The following CAMTA1 variants were observed in gnomAD, a reference collection of about 807,000 sequenced individuals.
CAMTA1 encodes calmodulin-binding transcription activator 1.
In CAMTA1, 27 loss-of-function variants were observed where a neutral mutation model predicts 170.9. The ratio of observed to expected loss-of-function variants is 0.16; its 90% CI spans 0.12 to 0.22. The LOEUF (loss-of-function observed/expected upper bound fraction) is 0.22, where lower values mean the gene tolerates loss of function less well. CAMTA1 is among the 10% of genes least tolerant of loss of function. The probability of loss-of-function intolerance (pLI) is 1.00; values close to 1 mark genes in which losing one functional copy is unlikely to be tolerated. For missense variants in CAMTA1, 1,619 were observed against 2,217.2 expected (o/e 0.73, Z 5.42); for synonymous variants, 833 against 891.5 (o/e 0.93, Z 1.17).
Position 7,649,021 on chromosome 1 carries a change from C to T in CAMTA1, c.664+8468C>T, listed in dbSNP as rs4428910. 5.1e-3 allele frequency among the ~76,000 whole-genome samples: 771 copies of T among 152,376 alleles called. 7 individuals are homozygous for T. Among genetic ancestry groups the T allele is most frequent in the African/African-American group, 0.017 (715 of 41,582 alleles). On this transcript the variant is annotated intron_variant, in intron 7 of 22. Transcript: ENST00000303635. ...GAGGCCACACGGAGCTTAGTGTAGC[C>T]ACACTCCCAGAGGAAGCCAGTCCCC...
intron 3 of CAMTA1, among the ~76,000 whole-genome samples, chr1:7,077,372 G>A (rs568073124): frequency 2.0e-5 from 3 of 152,016 alleles, no homozygotes; most frequent in East Asian, 1.9e-4. Flanking sequence ...TTTGTAACTC[G>A]TGGAAAGTGC....
intron 5 of CAMTA1, among the ~76,000 whole-genome samples, chr1:7,306,104 A>G (rs971607776): frequency 2.0e-5 from 3 of 152,092 alleles, no homozygotes; most frequent in Non-Finnish European, 4.4e-5. Context: ...GTCTCCTAGA[A>G]GAAAAGTTTT....
At chr1:7,091,264 A>T in intron 3 of CAMTA1, 40 bp from the exon 4 acceptor site, 2 of 1,440,678 alleles carry the variant, frequency 1.4e-6, no homozygotes, top group South Asian at 2.3e-5. Context: ...ATCCAATGTG[A>T]GCTAATTGTT....
In CAMTA1 at chr1:7,680,658, G is replaced by A. The variant is rs2096184352; in HGVS notation, c.2914+2925G>A. On this transcript the variant is annotated intron_variant, in intron 11 of 22. Transcript: ENST00000303635. This position sits in a 1 kb window ranked among gnomAD's most constrained non-coding sequence, Gnocchi z 4.4. ...ACCACAGGCCTTCGGTGGGCGGCGA[G>A]CCCTGGCTCCCTCGTTCGGTGGCCT... is the stretch of plus-strand genomic sequence containing the variant. Among the ~76,000 whole-genome samples the A allele has an allele frequency of 6.6e-6, 1 of 152,036 alleles. No homozygotes were observed. The highest frequency in any genetic ancestry group is 6.5e-5 in the Admixed American group (1 of 15,272).
intron 5 of CAMTA1, among the ~76,000 whole-genome samples, chr1:7,324,342 AT>A (rs1678944528): frequency 6.6e-6 from 1 of 151,526 alleles, no homozygotes; most frequent in Admixed American, 6.6e-5. Context: ...TAAACATTTC[AT>A]TTCCTTGTGT....
At chr1:7,478,200 G>A (rs1049111962) in intron 6 of CAMTA1, among the ~76,000 whole-genome samples, 5 of 152,132 alleles carry the variant, frequency 3.3e-5, no homozygotes, top group African/African-American at 7.2e-5. Context: ...AGCAGTGGTC[G>A]GGGAAGGGGG....
At position 7,340,343 on chromosome 1, in the gene CAMTA1, C is replaced by T. The variant is rs147122485; in HGVS notation, c.438+90717C>T. Among the ~76,000 whole-genome samples the T allele has an allele frequency of 3.3e-3, 509 of 152,120 alleles. 2 individuals carry two copies. The highest frequency in any genetic ancestry group is 5.6e-3 in the Non-Finnish European group (384 of 67,982). On this transcript the variant is annotated intron_variant, in intron 5 of 22. Coordinates refer to ENST00000303635, the MANE Select transcript of CAMTA1 (RefSeq NM_015215.4). Reference sequence around the variant, plus strand: ...ATTCTTCCTGCCCCCACTAGCCTACCCCCGACTTATGCTTGTGTCCAGGAA... The same window carrying T: ...ATTCTTCCTGCCCCCACTAGCCTACTCCCGACTTATGCTTGTGTCCAGGAA...
chr1:7,068,102 T>C (rs1709192499), intron 3 of CAMTA1, among the ~76,000 whole-genome samples: 1 of 152,172 alleles, frequency 6.6e-6, no homozygotes, highest in Admixed American at 6.5e-5. Context: ...AGATGGTACA[T>C]TTTCCTTCTT....
rs923503377 is a variant in CAMTA1 at position 7,609,846 on chromosome 1, G to A, written c.511-30554G>A. ...CCAGGAACTGAGGTTCCTGGCATCC[G>A]GGTAGAGTCCAAACATGGAAGCTCG... On this transcript the variant is annotated intron_variant, in intron 6 of 22. Coordinates refer to ENST00000303635, the MANE Select transcript of CAMTA1 (RefSeq NM_015215.4). The surrounding 1 kb of genome is among the most constrained non-coding windows in gnomAD (Gnocchi z 4.4). 6.6e-6 allele frequency among the ~76,000 whole-genome samples: 1 copy of A among 152,178 alleles called. No homozygotes were observed. The highest frequency in any genetic ancestry group is 1.9e-4 in the East Asian group (1 of 5,180).
At chr1:7,079,765 G>A (rs1268131642) in intron 3 of CAMTA1, among the ~76,000 whole-genome samples, 1 of 152,006 alleles carries the variant, frequency 6.6e-6, no homozygotes, top group Non-Finnish European at 1.5e-5. Context: ...GAGCCACAGT[G>A]CCCAGCAAGA....
rs146130408 is a variant in CAMTA1, at chr1:7,399,603, A to G, written c.439-68227A>G. On this transcript the variant is annotated intron_variant, in intron 5 of 22. Coordinates refer to ENST00000303635, the MANE Select transcript of CAMTA1 (RefSeq NM_015215.4). ...TGCTTTCATATGTTTCACAATAGTA[A>G]TTATTGTTCCTTTACTTCTGGTTGA... is the stretch of plus-strand genomic sequence containing the variant. Among the ~76,000 whole-genome samples the G allele has an allele frequency of 2.8e-3, 433 of 152,336 alleles. 2 individuals are homozygous for G. The highest frequency in any genetic ancestry group is 0.01 in the Middle Eastern group (3 of 294).
chr1:7,584,830 T>TCCC (rs1176070416), intron 6 of CAMTA1, among the ~76,000 whole-genome samples: 3 of 152,086 alleles, frequency 2.0e-5, no homozygotes, highest in African/African-American at 7.2e-5. Context: ...GCTAGTGGCA[T>TCCC]CTGGTGGGTG....
At chr1:7,440,337 C>T (rs1040233379) in intron 5 of CAMTA1, among the ~76,000 whole-genome samples, 4 of 152,236 alleles carry the variant, frequency 2.6e-5, no homozygotes, top group African/African-American at 7.2e-5. Context: ...CTGGGCAGGC[C>T]GGAGGCCAAT....
At chr1:7,683,675 C>T (rs2149336068) in intron 11 of CAMTA1, among the ~76,000 whole-genome samples, 1 of 152,326 alleles carries the variant, frequency 6.6e-6, no homozygotes, top group Middle Eastern at 3.4e-3. Context: ...GCCGGTCTTG[C>T]ACTCGGGACC....
At chr1:7,253,107 T>G (rs1293367554) in intron 5 of CAMTA1, among the ~76,000 whole-genome samples, 2 of 152,158 alleles carry the variant, frequency 1.3e-5, no homozygotes, top group Non-Finnish European at 2.9e-5. Context: ...AGAGGGTGGT[T>G]GCGATGTCAC....
intron 3 of CAMTA1, among the ~76,000 whole-genome samples, chr1:6,828,353 A>G (rs1648108259): frequency 1.6e-5 from 2 of 125,912 alleles, no homozygotes; most frequent in Non-Finnish European, 3.1e-5. Context: ...GTGCAGTGGC[A>G]TGATCTTGGC....
chr1:7,522,012 G>A (rs2094372121), intron 6 of CAMTA1, among the ~76,000 whole-genome samples: 1 of 152,162 alleles, frequency 6.6e-6, no homozygotes, highest in Non-Finnish European at 1.5e-5. Flanking sequence ...TGAACTTCTG[G>A]GATAAATGCC....
At chr1:7,310,700 C>CTCTCTCTCTCTCTCTCTTTCTT (rs1361709842) in intron 5 of CAMTA1, among the ~76,000 whole-genome samples, 19 of 53,486 alleles carry the variant, frequency 3.6e-4, no homozygotes, top group Non-Finnish European at 5.1e-4. Context: ...CTCTCTCTCT[C>CTCTCTCTCTCTCTCTCTTTCTT]TCTTTCTTTC....
At chr1:7,492,622 T>TACAC (rs36140947) in intron 6 of CAMTA1, among the ~76,000 whole-genome samples, 97,417 of 146,140 alleles carry the variant, frequency 0.67, 33,081 homozygotes, top group African/African-American at 0.84. Flanking sequence ...CAAATGTACA[T>TACAC]ACACGCGCAC....
Sources: allele counts gnomAD v4.1 joint callset (sites outside exome capture counted in the v4.1 genomes callset), GRCh38; gene constraint gnomAD v4.1.1; non-coding constraint Gnocchi (gnomAD v3.1); transcripts MANE v1.5; gene names NCBI Gene and HGNC (gene_info 2026-07-23, HGNC 2026-07-21).